DNAH11: variants seen among roughly 807,000 people sequenced by gnomAD.
DNAH11 encodes dynein axonemal heavy chain 11.
Under a neutral mutation model 526.0 loss-of-function variants are expected in DNAH11, and 442 were observed. The ratio of observed to expected loss-of-function variants is 0.84; its 90% CI spans 0.78 to 0.91. The LOEUF is 0.91. Among genes scored for constraint, DNAH11 ranks in the 40% least tolerant of loss-of-function variants. The probability of loss-of-function intolerance (pLI) is 0.00; values close to 1 mark genes in which losing one functional copy is unlikely to be tolerated. For missense variants in DNAH11, 6,989 were observed against 5,448.7 expected (o/e 1.28, Z -8.90); for synonymous variants, 2,461 against 1,935.9 (o/e 1.27, Z -7.12).
At chr7:21,800,897 G>C (rs1405937117) in intron 61 of DNAH11, among the ~76,000 whole-genome samples, 1 of 152,118 alleles carries the variant, frequency 6.6e-6, no homozygotes, top group African/African-American at 2.4e-5. Flanking sequence ...ATTCTGCCCA[G>C]TGGAGGCAGA....
intron 30 of DNAH11, among the ~76,000 whole-genome samples, chr7:21,665,026 C>G (rs529070949): frequency 6.6e-6 from 1 of 152,172 alleles, no homozygotes; most frequent in African/African-American, 2.4e-5. Flanking sequence ...TCATACCTCT[C>G]TGCTTTGAGG....
rs973243787 is a variant in DNAH11 at position 21,838,612 on chromosome 7, C to T, written c.10692-3932C>T. ...GTACATTTTCAGGTTTCATTTGTGT[C>T]GTAGCATGTATCAATACTTCATTCC... On this transcript the variant is annotated intron_variant, in intron 65 of 81. Coordinates refer to ENST00000409508, the MANE Select transcript of DNAH11 (RefSeq NM_001277115.2). 2.6e-5 allele frequency among the ~76,000 whole-genome samples: 4 copies of T among 152,156 alleles called. No individual in the cohort carries two copies. The South Asian group carries it at 6.2e-4, about 24-fold the overall frequency.
chr7:21,588,247 G>A (rs745945355), intron 10 of DNAH11, 46 bp downstream of exon 10: 177 of 1,570,992 alleles, frequency 1.1e-4, no homozygotes, highest in Non-Finnish European at 6.6e-5. Flanking sequence ...TCATTTAGGC[G>A]GATAATGACC....
rs114834324 is a variant in DNAH11, at chr7:21,785,521, C to G, written c.9597+981C>G. Reference sequence around the variant, plus strand: ...AATAGGGTATTTTATATGACTAATTCTTTTGGTAAGAATATGTGCACAGAA... The same window carrying G: ...AATAGGGTATTTTATATGACTAATTGTTTTGGTAAGAATATGTGCACAGAA... On this transcript the variant is annotated intron_variant, in intron 58 of 81. Transcript: ENST00000409508. Among the ~76,000 whole-genome samples the G allele has an allele frequency of 9.9e-3, 1,503 of 152,178 alleles. 30 individuals carry two copies. Among genetic ancestry groups the G allele is most frequent in the African/African-American group, 0.035 (1,449 of 41,520 alleles).
intron 24 of DNAH11, 123 bp downstream of exon 24, chr7:21,619,345 C>T: frequency 8.7e-7 from 1 of 1,155,730 alleles, no homozygotes; most frequent in East Asian, 2.6e-5. Flanking sequence ...CAGTTTGTTC[C>T]CTGCTGTTCA....
chr7:21,749,299 A>C (rs1354708371), intron 52 of DNAH11, among the ~76,000 whole-genome samples: 1 of 152,254 alleles, frequency 6.6e-6, no homozygotes, highest in Admixed American at 6.5e-5. Context: ...AATATTACTA[A>C]TGAAATAAAC....
Position 21,690,883 on chromosome 7 carries a change from C to T in DNAH11, c.6041+2C>T. 6.2e-7 allele frequency: 1 copy of T among 1,607,426 alleles called. No homozygotes were observed. The highest frequency in any genetic ancestry group is 1.1e-5 in the South Asian group (1 of 90,520). Reference sequence around the variant, plus strand: ...GGAAAATCTCAAAGCTCTTTTCAGGCAAGTGTTATGCTTTGTGGCTTAGCA... The same window carrying T: ...GGAAAATCTCAAAGCTCTTTTCAGGTAAGTGTTATGCTTTGTGGCTTAGCA... On this transcript the variant is annotated splice_donor_variant, in intron 35 of 81. Transcript: ENST00000409508. LOFTEE classifies it low-confidence loss of function (GC_TO_GT_DONOR).
chr7:21,809,256 G>GTT (rs1312198368), intron 63 of DNAH11, among the ~76,000 whole-genome samples: 1 of 152,090 alleles, frequency 6.6e-6, no homozygotes, highest in Non-Finnish European at 1.5e-5. Context: ...CTATTGAGTT[G>GTT]TTTGAGTTCC....
chr7:21,814,743 A>G (rs117540893), intron 63 of DNAH11, among the ~76,000 whole-genome samples: 232 of 152,232 alleles, frequency 1.5e-3, no homozygotes, highest in Admixed American at 4.9e-3. Context: ...ACTGTTGTAT[A>G]TGCAGTCCAT....
At chr7:21,739,029 G>A (rs754296582) in intron 47 of DNAH11, among the ~76,000 whole-genome samples, 163 bp downstream of exon 47, 1 of 152,108 alleles carries the variant, frequency 6.6e-6, no homozygotes, top group Non-Finnish European at 1.5e-5. Context: ...TATCTTTTGG[G>A]TTTGCTTTGT....
chr7:21,872,418 T>G (rs561989824), intron 73 of DNAH11, among the ~76,000 whole-genome samples: 6 of 152,332 alleles, frequency 3.9e-5, no homozygotes, highest in Admixed American at 3.3e-4. Flanking sequence ...GCCCTCATTC[T>G]CTGTATTTTT....
At chr7:21,880,601 T>A (rs1020865964) in intron 74 of DNAH11, 101 bp from the exon 75 acceptor site, 3 of 1,236,186 alleles carry the variant, frequency 2.4e-6, no homozygotes, top group Non-Finnish European at 3.5e-6. Context: ...CTCTGTAGTA[T>A]CTCACTCTCA....
At chr7:21,602,575 GTGTGTGTGTGTGTGTGT>G (rs1163813176) in intron 18 of DNAH11, among the ~76,000 whole-genome samples, 11 of 148,792 alleles carry the variant, frequency 7.4e-5, no homozygotes, top group Non-Finnish European at 1.5e-4. Context: ...GTGTGTGTGT[GTGTGTGTGTGTGTGTGT>G]GTGTGTGTAC....
At chr7:21,741,781 A>G (rs1785909910) in intron 48 of DNAH11, 146 bp from the exon 49 acceptor site, 1 of 888,194 alleles carries the variant, frequency 1.1e-6, no homozygotes, top group African/African-American at 1.7e-5. Context: ...AGTAAATCAC[A>G]TGGCCAACCC....
At position 21,610,606 on chromosome 7, in the gene DNAH11, A is replaced by G. The variant is rs117034499; in HGVS notation, c.3852+3873A>G. ...CAGATATTAGAAGGAAATAAAAGAT[A>G]ATATTGAAAAAAATGAGCAAGTTCT... On this transcript the variant is annotated intron_variant, in intron 20 of 81. Transcript: ENST00000409508. 9.9e-3 allele frequency among the ~76,000 whole-genome samples: 1,507 copies of G among 152,318 alleles called. 8 individuals carry two copies. The highest frequency in any genetic ancestry group is 0.051 in the Middle Eastern group (15 of 294).
At chr7:21,859,215 G>T (rs1268186644) in intron 68 of DNAH11, among the ~76,000 whole-genome samples, 1 of 152,142 alleles carries the variant, frequency 6.6e-6, no homozygotes, top group African/African-American at 2.4e-5. Context: ...CCAGGTTGAA[G>T]CGATTCTCCT....
At chr7:21,593,694 A>G (rs576092629) in intron 14 of DNAH11, among the ~76,000 whole-genome samples, 1 of 152,102 alleles carries the variant, frequency 6.6e-6, no homozygotes, top group African/African-American at 2.4e-5. Context: ...TGCAATGCTG[A>G]TGATGGGAAC....
In DNAH11 at chr7:21,563,739, T is replaced by C. The variant is rs1783554552; in HGVS notation, c.983-447T>C. Among the ~76,000 whole-genome samples the C allele has an allele frequency of 2.0e-5, 3 of 152,336 alleles. No homozygotes were observed. In the South Asian group the frequency reaches 6.2e-4, roughly 32 times the overall value. On this transcript the variant is annotated intron_variant, in intron 5 of 81. Transcript: ENST00000409508. ...TCAATCATTGCATGAGTTACTGTCA[T>C]AGGAAACTGGAATGAGAGAGTAAAC...
intron 61 of DNAH11, among the ~76,000 whole-genome samples, chr7:21,792,507 G>A (rs1011757903): frequency 8.5e-5 from 13 of 152,296 alleles, no homozygotes; most frequent in African/African-American, 3.1e-4. Flanking sequence ...GATTTCAACA[G>A]TAAAGCCATT....
Sources: allele counts gnomAD v4.1 joint callset (sites outside exome capture counted in the v4.1 genomes callset), GRCh38; gene constraint gnomAD v4.1.1; transcripts MANE v1.5; gene names NCBI Gene and HGNC (gene_info 2026-07-23, HGNC 2026-07-21).